THSD7A: variants seen among roughly 807,000 people sequenced by gnomAD.
THSD7A encodes thrombospondin type-1 domain-containing protein 7A.
THSD7A carries 96 observed loss-of-function variants against 231.3 expected under a neutral mutation model. That is an observed-to-expected ratio of 0.41 (90% CI 0.35 to 0.49). THSD7A has a LOEUF of 0.49. Ranked by LOEUF, THSD7A falls within the 20% of genes least tolerant of loss-of-function variation. THSD7A has a pLI of 0.05. For missense variants in THSD7A, 2,290 were observed against 2,070.2 expected, an observed-to-expected ratio of 1.11 and a Z score of -2.06; for synonymous variants, 940 against 743.3, an observed-to-expected ratio of 1.26 and a Z score of -4.30.
intron 1 of THSD7A, among the ~76,000 whole-genome samples, chr7:11,773,872 C>A (rs886838463): frequency 2.6e-5 from 4 of 152,010 alleles, no homozygotes; most frequent in African/African-American, 9.7e-5. Context: ...TAAGAAAAAA[C>A]AATCTAACCC....
chr7:11,398,971 C>G (rs767707673), intron 23 of THSD7A, among the ~76,000 whole-genome samples: 13 of 152,186 alleles, frequency 8.5e-5, no homozygotes, highest in Admixed American at 6.5e-4. Flanking sequence ...GTTTACTACT[C>G]TAATCTATTT....
At chr7:11,796,581 T>C (rs1359747661) in intron 1 of THSD7A, among the ~76,000 whole-genome samples, 2 of 151,938 alleles carry the variant, frequency 1.3e-5, no homozygotes, top group East Asian at 1.9e-4. Flanking sequence ...AAATGTGTGT[T>C]TTTTTTTCAT....
intron 4 of THSD7A, among the ~76,000 whole-genome samples, chr7:11,560,856 CA>C (rs904780687): frequency 2.0e-5 from 3 of 152,002 alleles, no homozygotes; most frequent in Admixed American, 2.0e-4. Flanking sequence ...GAATTACAAA[CA>C]AAAGTTTAGA....
In THSD7A at chr7:11,590,372, C is replaced by T. The variant is rs992615828; in HGVS notation, c.1453+88G>A. 85 of 1,363,162 alleles carry T rather than the reference C, an allele frequency of 6.2e-5. No homozygotes were observed. Among genetic ancestry groups the T allele is most frequent in the Non-Finnish European group, 8.2e-5 (83 of 1,009,396 alleles). The allele number at this position is 1,363,162 out of a possible 1,614,324, so 84.4% of individuals were successfully genotyped here. ...TGAACAGAAATGCAGCCCTCATAACCTGGATGGCTGTGTATATATCCCTTC... is the reference window on the plus strand; with the variant it reads ...TGAACAGAAATGCAGCCCTCATAACTTGGATGGCTGTGTATATATCCCTTC... On this transcript the variant is annotated intron_variant, in intron 4 of 27. Coordinates refer to ENST00000423059, the MANE Select transcript of THSD7A (RefSeq NM_015204.3). This position sits in a 1 kb window ranked among gnomAD's most constrained non-coding sequence, Gnocchi z 4.4.
At chr7:11,578,034 A>G (rs527943871) in intron 4 of THSD7A, among the ~76,000 whole-genome samples, 1 of 152,362 alleles carries the variant, frequency 6.6e-6, no homozygotes, top group African/African-American at 2.4e-5. Context: ...ACAATTTTGT[A>G]TATAATGTTA....
chr7:11,440,596 G>A (rs539981374), intron 13 of THSD7A, among the ~76,000 whole-genome samples: 71 of 152,062 alleles, frequency 4.7e-4, no homozygotes, highest in African/African-American at 1.7e-3. Flanking sequence ...GACTTTGAGG[G>A]GGTTCAAGAC....
rs567353573 is a variant in THSD7A, at chr7:11,371,450, T to G, written c.*4344A>C. 5 of 152,314 alleles carry G rather than the reference T, an allele frequency of 3.3e-5. No homozygotes were observed. Among genetic ancestry groups the G allele is most frequent in the African/African-American group, 1.2e-4 (5 of 41,584 alleles). The allele number at this position is 152,314 out of a possible 1,614,324, so 9.4% of individuals were successfully genotyped here. On this transcript the variant is annotated 3_prime_UTR_variant, in exon 28 of 28. Coordinates refer to ENST00000423059, the MANE Select transcript of THSD7A (RefSeq NM_015204.3). ...CCTCACAGATTTGCTCAAGGACTAC[T>G]GTTTTTTCAACACCCTCAATCTTAC...
chr7:11,410,937 C>T (rs770817476), intron 19 of THSD7A, among the ~76,000 whole-genome samples: 10 of 151,918 alleles, frequency 6.6e-5, no homozygotes, highest in Non-Finnish European at 1.3e-4. Context: ...TGCTTTTATT[C>T]ACCTTACGTA....
intron 22 of THSD7A, among the ~76,000 whole-genome samples, chr7:11,402,810 C>A (rs765297919): frequency 6.6e-6 from 1 of 152,120 alleles, no homozygotes; most frequent in Non-Finnish European, 1.5e-5. Flanking sequence ...TTTCTTCATT[C>A]GTACAACTTT....
Position 11,814,199 on chromosome 7 carries a change from G to A in THSD7A, c.190+17558C>T, listed in dbSNP as rs1305237185. 6.6e-6 allele frequency among the ~76,000 whole-genome samples: 1 copy of A among 152,118 alleles called. No individual in the cohort carries two copies. Among genetic ancestry groups the A allele is most frequent in the East Asian group, 1.9e-4 (1 of 5,176 alleles). On this transcript the variant is annotated intron_variant, in intron 1 of 27. Coordinates refer to ENST00000423059, the MANE Select transcript of THSD7A (RefSeq NM_015204.3). The surrounding 1 kb of genome is among the most constrained non-coding windows in gnomAD (Gnocchi z 5.1). ...ATGAAAATGTTCTTGAATTGATTGT[G>A]GTAATGGATGCACAAGTCTGTGGAT...
chr7:11,482,702 T>C (rs1241841235), intron 6 of THSD7A, among the ~76,000 whole-genome samples: 1 of 152,186 alleles, frequency 6.6e-6, no homozygotes. Context: ...TTTTCAAGTT[T>C]ACAAGACCTC....
chr7:11,830,978 A>G (rs1785174858), intron 1 of THSD7A, among the ~76,000 whole-genome samples: 1 of 152,180 alleles, frequency 6.6e-6, no homozygotes, highest in Non-Finnish European at 1.5e-5. Context: ...GCAGAGAGAA[A>G]GCGAACCCGC....
chr7:11,769,151 A>ATTTTTTTTTTTTTTTTTTTTTTTT (rs1422492872), intron 1 of THSD7A, among the ~76,000 whole-genome samples: 3 of 35,466 alleles, frequency 8.5e-5, no homozygotes, highest in Non-Finnish European at 1.8e-4. Context: ...ATATATATAT[A>ATTTTTTTTTTTTTTTTTTTTTTTT]TATTTTTTTT....
chr7:11,385,130 AC>A (rs956234093), intron 23 of THSD7A: 4 of 150,974 alleles, frequency 2.6e-5, no homozygotes, highest in Admixed American at 2.0e-4. Context: ...AAAAAAAAAG[AC>A]TATTTATTTT....
At chr7:11,460,614 T>A in intron 11 of THSD7A, 48 bp downstream of exon 11, 3 of 1,488,616 alleles carry the variant, frequency 2.0e-6, no homozygotes, top group Non-Finnish European at 2.7e-6. Context: ...AAAACAGTAG[T>A]TAAACTAGCG....
chr7:11,776,597 T>G (rs1783413527), intron 1 of THSD7A, among the ~76,000 whole-genome samples: 1 of 152,186 alleles, frequency 6.6e-6, no homozygotes, highest in Admixed American at 6.5e-5. Flanking sequence ...TTCTTCTATT[T>G]TGATGTTTGC....
At chr7:11,525,183 G>C (rs1343653079) in intron 6 of THSD7A, among the ~76,000 whole-genome samples, 1 of 152,142 alleles carries the variant, frequency 6.6e-6, no homozygotes, top group Non-Finnish European at 1.5e-5. Context: ...TTATGACTCA[G>C]ATGCAACTTC....
intron 4 of THSD7A, among the ~76,000 whole-genome samples, chr7:11,588,613 TG>T (rs1381041995): frequency 1.3e-5 from 2 of 152,066 alleles, no homozygotes; most frequent in Admixed American, 6.6e-5. Flanking sequence ...TAGCAGTGGT[TG>T]GGGGGAGCTC....
At chr7:11,458,547 G>T (rs887763437) in intron 11 of THSD7A, among the ~76,000 whole-genome samples, 1 of 152,158 alleles carries the variant, frequency 6.6e-6, no homozygotes, top group East Asian at 1.9e-4. Flanking sequence ...AGATTGCTGA[G>T]GTACAGCAAG....
Sources: gnomAD v4.1 joint callset for allele counts (sites outside exome capture counted in the v4.1 genomes callset) on GRCh38, gnomAD v4.1.1 for gene constraint, Gnocchi (gnomAD v3.1) non-coding constraint, MANE v1.5 for transcripts, NCBI Gene and HGNC (gene_info 2026-07-23, HGNC 2026-07-21) for gene names.